The following HYDIN variants were observed in gnomAD, a reference collection of about 807,000 sequenced individuals.
The protein encoded by HYDIN is axonemal central pair apparatus protein HYDIN.
A neutral mutation model predicts 403.9 loss-of-function variants in HYDIN; 132 were observed. The observed-to-expected ratio is 0.33, with a 90% CI of 0.28 to 0.38. The LOEUF is 0.38. Among genes scored for constraint, HYDIN ranks in the 10% least tolerant of loss-of-function variants. The probability of loss-of-function intolerance (pLI) is 1.00; values close to 1 mark genes in which losing one functional copy is unlikely to be tolerated. For synonymous variants in HYDIN, 1,202 were observed against 1,891.7 expected (o/e 0.64, Z 9.46); for missense variants, 2,827 against 5,009.5 (o/e 0.56, Z 13.15).
chr16:71,201,232 GCTTGTTCATTGCTGTTATACATGC>G (rs2087990581), intron 1 of HYDIN, among the ~76,000 whole-genome samples: 1 of 152,126 alleles, frequency 6.6e-6, no homozygotes, highest in African/African-American at 2.4e-5. Flanking sequence ...ATCTCAACCA[GCTTGTTCATTGCTGTTATACATGC>G]CTTGCATAGT....
chr16:71,153,512 G>A lies in HYDIN; in HGVS notation c.717-729C>T, dbSNP rs539528708. ...GCTGCCTTATGGGGAGCAAGGAGAC[G>A]TAGCCAAGGGAGACAGCAGCCCAGG... On this transcript the variant is annotated intron_variant, in intron 6 of 85. Transcript: ENST00000393567. Among the ~76,000 whole-genome samples, 19 of 152,152 alleles carry A rather than the reference G, an allele frequency of 1.2e-4. No homozygotes were observed. In the East Asian group the frequency reaches 1.6e-3, roughly 12 times the overall value.
chr16:71,037,535 C>A (rs1034737198), intron 18 of HYDIN, among the ~76,000 whole-genome samples: 15 of 151,436 alleles, frequency 9.9e-5, no homozygotes, highest in South Asian at 2.1e-4. Context: ...GGTCCCAAAT[C>A]AGCTGACTTT....
At chr16:70,848,253 G>GGT (rs1229501916) in intron 75 of HYDIN, among the ~76,000 whole-genome samples, 2 of 147,002 alleles carry the variant, frequency 1.4e-5, no homozygotes, top group African/African-American at 5.0e-5. Flanking sequence ...ATCTAGACAT[G>GGT]GTGTCCTATA....
chr16:71,218,835 C>T (rs1786879566), intron 1 of HYDIN, among the ~76,000 whole-genome samples: 1 of 152,068 alleles, frequency 6.6e-6, no homozygotes, highest in Non-Finnish European at 1.5e-5. Context: ...TGCATAAGGC[C>T]CCTTTGTTTC....
chr16:70,910,253 C>T (rs1262594333), intron 47 of HYDIN, among the ~76,000 whole-genome samples: 2 of 152,158 alleles, frequency 1.3e-5, no homozygotes, highest in Non-Finnish European at 2.9e-5. Context: ...CCCTTCCCCC[C>T]AAGTCCCCAA....
intron 9 of HYDIN, among the ~76,000 whole-genome samples, chr16:71,117,902 T>A (rs1380767691): frequency 6.6e-6 from 1 of 151,828 alleles, no homozygotes; most frequent in Non-Finnish European, 1.5e-5. Context: ...AACTTCAGAA[T>A]GAAGGAGGCA....
intron 39 of HYDIN, chr16:70,959,298 T>C (rs1035159070): frequency 4.6e-5 from 9 of 197,018 alleles, no homozygotes; most frequent in African/African-American, 2.1e-4. Flanking sequence ...GTCATCATAG[T>C]AATAATAATG....
At chr16:71,082,270 T>C (rs1270035243) in intron 12 of HYDIN, among the ~76,000 whole-genome samples, 2 of 152,198 alleles carry the variant, frequency 1.3e-5, no homozygotes, top group Non-Finnish European at 2.9e-5. Context: ...TTACCCTTTA[T>C]GAATAGACAT....
At chr16:70,905,195 C>A (rs894810171) in intron 50 of HYDIN, among the ~76,000 whole-genome samples, 15 of 152,234 alleles carry the variant, frequency 9.9e-5, no homozygotes, top group Non-Finnish European at 2.1e-4. Flanking sequence ...GTATGAATAT[C>A]TGCCAAAGGG....
intron 57 of HYDIN, among the ~76,000 whole-genome samples, chr16:70,890,069 ATAAAT>A (rs1453083202): frequency 1.3e-5 from 2 of 152,246 alleles, no homozygotes; most frequent in Non-Finnish European, 2.9e-5. Context: ...GAAATGGCAA[ATAAAT>A]TAAGCTCTTT....
intron 18 of HYDIN, among the ~76,000 whole-genome samples, chr16:71,040,192 G>GTT (rs1344391702): frequency 6.6e-6 from 1 of 152,220 alleles, no homozygotes; most frequent in Middle Eastern, 3.4e-3. Flanking sequence ...CGGTTGGCTG[G>GTT]TTTCAGCACT....
At chr16:71,180,449 C>G (rs1165617267) in intron 3 of HYDIN, among the ~76,000 whole-genome samples, 1 of 151,930 alleles carries the variant, frequency 6.6e-6, no homozygotes, top group Non-Finnish European at 1.5e-5. Flanking sequence ...AGAAACAACT[C>G]AAGTATTATA....
intron 1 of HYDIN, among the ~76,000 whole-genome samples, chr16:71,205,499 A>G (rs2088249003): frequency 6.6e-6 from 1 of 152,210 alleles, no homozygotes; most frequent in African/African-American, 2.4e-5. Flanking sequence ...TTGCAGGGGT[A>G]ATTCCGAGTC....
intron 1 of HYDIN, among the ~76,000 whole-genome samples, chr16:71,222,697 C>G (rs988927308): frequency 1.1e-4 from 17 of 152,164 alleles, no homozygotes; most frequent in African/African-American, 4.1e-4. Flanking sequence ...AACAACCATG[C>G]TGAGAATCAA....
intron 6 of HYDIN, among the ~76,000 whole-genome samples, chr16:71,157,679 C>T (rs2085828787): frequency 6.6e-6 from 1 of 151,634 alleles, no homozygotes; most frequent in South Asian, 2.1e-4. Context: ...GTGGAGAAAA[C>T]ATAAAGCCAT....
intron 44 of HYDIN, among the ~76,000 whole-genome samples, 175 bp from the exon 45 acceptor site, chr16:70,936,289 GA>G (rs1410402295): frequency 7.0e-6 from 1 of 143,862 alleles, no homozygotes; most frequent in Admixed American, 7.0e-5. Context: ...AGGAAAGAAA[GA>G]AAAAATGACT....
intron 53 of HYDIN, 99 bp from the exon 54 acceptor site, chr16:70,896,179 T>C: frequency 1.4e-6 from 2 of 1,455,220 alleles, no homozygotes; most frequent in Non-Finnish European, 9.1e-7. Context: ...AGGGAACGTT[T>C]TGAAGTGTAT....
Position 71,103,838 on chromosome 16 carries a change from G to A in HYDIN, c.1328-9903C>T, listed in dbSNP as rs558571194. On this transcript the variant is annotated intron_variant, in intron 10 of 85. Coordinates refer to ENST00000393567, the MANE Select transcript of HYDIN (RefSeq NM_001270974.2). ...ATTAAATCTATAGATGAATTTGGGG[G>A]AGAAATGGCATTAAGATGTCATTAA... 3.3e-5 allele frequency among the ~76,000 whole-genome samples: 5 copies of A among 152,248 alleles called. No individual in the cohort carries two copies. The South Asian group carries it at 1.0e-3, about 32-fold the overall frequency.
At chr16:71,223,103 A>G (rs1335062866) in intron 1 of HYDIN, among the ~76,000 whole-genome samples, 2 of 152,222 alleles carry the variant, frequency 1.3e-5, no homozygotes, top group African/African-American at 4.8e-5. Context: ...CCAAAACAGC[A>G]TGGTACTGGT....
Sources: gnomAD v4.1 joint callset for allele counts (sites outside exome capture counted in the v4.1 genomes callset) on GRCh38, gnomAD v4.1.1 for gene constraint, MANE v1.5 for transcripts, NCBI Gene and HGNC (gene_info 2026-07-23, HGNC 2026-07-21) for gene names.